EXTL3: variants seen among roughly 807,000 people sequenced by gnomAD.
EXTL3 encodes exostosin-like 3.
A neutral mutation model predicts 69.3 loss-of-function variants in EXTL3; 27 were observed. That is an observed-to-expected ratio of 0.39 (90% CI 0.29 to 0.54). The LOEUF is 0.54. Among genes scored for constraint, EXTL3 ranks in the 20% least tolerant of loss-of-function variants. The pLI is 0.69. For missense variants in EXTL3, 1,003 were observed against 1,231.8 expected (o/e 0.81, Z 2.78); for synonymous variants, 511 against 499.4 (o/e 1.02, Z -0.31).
chr8:28,729,837 C>G (rs1248750264), intron 3 of EXTL3, among the ~76,000 whole-genome samples: 1 of 149,134 alleles, frequency 6.7e-6, no homozygotes, highest in Non-Finnish European at 1.5e-5. Context: ...ACTTCGAGAA[C>G]TCGCTTTTTT....
Position 28,709,374 on chromosome 8 carries a change from A to G in EXTL3, c.-569-4083A>G, listed in dbSNP as rs570845127. On this transcript the variant is annotated intron_variant, in intron 1 of 6. Transcript: ENST00000220562. ...GATATTAGAGGCCGTTGAAGGTTTC[A>G]TTGGGAACATCTGGAAAGCGTCTAG... is the stretch of plus-strand genomic sequence containing the variant. Among the ~76,000 whole-genome samples the G allele has an allele frequency of 4.7e-4, 71 of 152,242 alleles. 1 individual carries two copies. Among genetic ancestry groups the G allele is most frequent in the African/African-American group, 1.7e-3 (69 of 41,544 alleles).
At chr8:28,683,545 T>C (rs999902245) in intron 1 of EXTL3, among the ~76,000 whole-genome samples, 1 of 152,192 alleles carries the variant, frequency 6.6e-6, no homozygotes, top group Non-Finnish European at 1.5e-5. Flanking sequence ...CCGGGTGAGG[T>C]AGCTCACACC....
At chr8:28,693,310 A>G (rs1800641161) in intron 1 of EXTL3, among the ~76,000 whole-genome samples, 2 of 152,008 alleles carry the variant, frequency 1.3e-5, no homozygotes. Flanking sequence ...CCACCACACC[A>G]GGATAATTTT....
chr8:28,627,501 A>G (rs1806511270), intron 1 of EXTL3, among the ~76,000 whole-genome samples: 1 of 152,112 alleles, frequency 6.6e-6, no homozygotes, highest in Non-Finnish European at 1.5e-5. Context: ...AAAAAAAAAA[A>G]AAAAGTCTCC....
rs1554489490 is a variant in EXTL3 at position 28,754,033 on chromosome 8, C to CGCGT, written c.*3168_*3169insCGTG. 2 of 142,170 alleles carry CGCGT rather than the reference C, an allele frequency of 1.4e-5. No individual in the cohort carries two copies. The highest frequency in any genetic ancestry group is 2.5e-5 in the African/African-American group (1 of 39,770). The allele number at this position is 142,170 out of a possible 1,614,324, so 8.8% of individuals were successfully genotyped here. On this transcript the variant is annotated 3_prime_UTR_variant, in exon 7 of 7. Transcript: ENST00000220562. ...AATTTTTTCATGGGAATTTAAAATG[C>CGCGT]GTGTGTGTGTGTGTGTGTGTGTGTG...
intron 1 of EXTL3, among the ~76,000 whole-genome samples, chr8:28,708,519 G>T (rs747217875): frequency 1.3e-5 from 2 of 149,850 alleles, no homozygotes; most frequent in African/African-American, 4.9e-5. Context: ...CTGACTTCAC[G>T]AACTAGGTAC....
intron 3 of EXTL3, among the ~76,000 whole-genome samples, chr8:28,727,208 G>C (rs1184893599): frequency 2.0e-5 from 3 of 152,084 alleles, no homozygotes; most frequent in South Asian, 2.1e-4. Flanking sequence ...TTGCTGTTCT[G>C]ATTGTTAAAA....
At chr8:28,700,327 G>A (rs1344595157), upstream of EXTL3, 1 of 152,244 alleles carries the variant, frequency 6.6e-6, no homozygotes, top group African/African-American at 2.4e-5. Context: ...TGGGGGTGGA[G>A]AGATGAAGAG....
intron 1 of EXTL3, among the ~76,000 whole-genome samples, chr8:28,674,381 A>T (rs1807345860): frequency 6.6e-6 from 1 of 152,126 alleles, no homozygotes; most frequent in Admixed American, 6.5e-5. Context: ...CTTATATATG[A>T]TACTTTCGAA....
chr8:28,643,912 G>A (rs13275286), intron 1 of EXTL3, among the ~76,000 whole-genome samples: 30,897 of 151,860 alleles, frequency 0.2, 3,872 homozygotes, highest in Non-Finnish European at 0.28. Context: ...ACCACAGGTG[G>A]GCACCACCAC....
At chr8:28,747,743 T>TC (rs938719489) in intron 6 of EXTL3, among the ~76,000 whole-genome samples, 2 of 148,214 alleles carry the variant, frequency 1.3e-5, no homozygotes, top group Admixed American at 6.7e-5. Flanking sequence ...TTTTTTTTTT[T>TC]TTTGAGATGG....
At position 28,717,731 on chromosome 8, in the gene EXTL3, G is replaced by T; in HGVS notation, c.1672G>T (p.Gly558Cys). The T allele has an allele frequency of 6.2e-7, 1 of 1,614,282 alleles. No individual in the cohort carries two copies. Among genetic ancestry groups the T allele is most frequent in the Non-Finnish European group, 8.5e-7 (1 of 1,180,056 alleles). Residue 558 changes from glycine to cysteine, a missense_variant, in exon 3 of 7, where the codon GGC (glycine) becomes TGC (cysteine). Physicochemically the swap from Gly to Cys is radical, Grantham distance 159. This residue lies in a region of EXTL3 where 742 missense variants were observed against 815.4 expected (regional missense o/e 0.91). Coordinates refer to ENST00000220562, the MANE Select transcript of EXTL3 (RefSeq NM_001440.4). The surrounding 1 kb of genome is among the most constrained non-coding windows in gnomAD (Gnocchi z 8.3). ...GGCAGCTGAGATCCCCCACCGTTCA[G>T]GCAAGGCGGCTGGAACTGACCCCAA... ...EAAAEIPHRS[G>C]KAAGTDPNMA... is the part of the protein sequence containing the mutation.
rs368064723 is a variant in EXTL3 at position 28,701,596 on chromosome 8, C to T, written c.-633C>T. ...GGGCGGCCGGCAGCCAGAACGGCTTCTGGGACGCCGACTTTCGCGCAGGCG... is the reference window on the plus strand; with the variant it reads ...GGGCGGCCGGCAGCCAGAACGGCTTTTGGGACGCCGACTTTCGCGCAGGCG... On this transcript the variant is annotated 5_prime_UTR_variant, in exon 1 of 7. Coordinates refer to ENST00000220562, the MANE Select transcript of EXTL3 (RefSeq NM_001440.4). The T allele has an allele frequency of 1.8e-5, 3 of 162,302 alleles. No individual in the cohort carries two copies. Among genetic ancestry groups the T allele is most frequent in the African/African-American group, 4.8e-5 (2 of 41,672 alleles). 10.1% of individuals were successfully genotyped at this position (162,302 alleles called of 1,614,324 possible).
chr8:28,643,639 C>T (rs951640864), intron 1 of EXTL3, among the ~76,000 whole-genome samples: 2 of 151,968 alleles, frequency 1.3e-5, no homozygotes, highest in Admixed American at 6.6e-5. Context: ...AGGATGGTCT[C>T]GATCTCCTGA....
intron 1 of EXTL3, among the ~76,000 whole-genome samples, chr8:28,694,730 G>A (rs1800660526): frequency 6.6e-6 from 1 of 152,056 alleles, no homozygotes; most frequent in Admixed American, 6.6e-5. Flanking sequence ...ATAACTAAGG[G>A]GCTGGGCACA....
At position 28,608,685 on chromosome 8, in the gene EXTL3, G is replaced by GTCTCTACCAAAGAC. The variant is rs1354888529; in HGVS notation, n.314+927_314+928insTCTCTACCAAAGAC. ...CAAGACCAGCCTGGACAACATGGTG[G>GTCTCTACCAAAGAC]AACCTGGTCTCTACCAAAAATACAA... On this transcript the variant is annotated intron_variant and non_coding_transcript_variant, in intron 2 of 4. Coordinates refer to the EXTL3 transcript ENST00000522725. 2.0e-4 allele frequency among the ~76,000 whole-genome samples: 31 copies of GTCTCTACCAAAGAC among 151,872 alleles called. 1 individual carries two copies. Among genetic ancestry groups the GTCTCTACCAAAGAC allele is most frequent in the East Asian group, 9.7e-4 (5 of 5,170 alleles).
At position 28,623,326 on chromosome 8, in the gene EXTL3, A is replaced by G. The variant is rs529345156; in HGVS notation, c.-53+516A>G. Among the ~76,000 whole-genome samples, 6 of 152,308 alleles carry G rather than the reference A, an allele frequency of 3.9e-5. No individual in the cohort carries two copies. Among genetic ancestry groups the G allele is most frequent in the Non-Finnish European group, 8.8e-5 (6 of 68,018 alleles). On this transcript the variant is annotated intron_variant, in intron 1 of 6. Transcript: ENST00000523149. The surrounding 1 kb of genome is among the most constrained non-coding windows in gnomAD (Gnocchi z 4.2). ...GCAGCCCCAAACACACCTACCCCAG[A>G]GGACACCACAGAATGCGGACCCCAA...
At chr8:28,619,335 G>T (rs1023243485), upstream of EXTL3, among the ~76,000 whole-genome samples, 1 of 122,986 alleles carries the variant, frequency 8.1e-6, no homozygotes, top group African/African-American at 3.1e-5. Flanking sequence ...AGCCCTGGAC[G>T]CTCTAACCTA....
chr8:28,621,180 C>T (rs1410962764), upstream of EXTL3, among the ~76,000 whole-genome samples: 1 of 152,162 alleles, frequency 6.6e-6, no homozygotes, highest in African/African-American at 2.4e-5. Context: ...GCCCCAGTAC[C>T]TCAGAATATG....
Sources: allele counts gnomAD v4.1 joint callset (sites outside exome capture counted in the v4.1 genomes callset), GRCh38; gene constraint gnomAD v4.1.1; regional missense constraint gnomAD v4.1.1; non-coding constraint Gnocchi (gnomAD v3.1); transcripts MANE v1.5; gene names NCBI Gene and HGNC (gene_info 2026-07-23, HGNC 2026-07-21).